The following SMCO1 variants were observed in gnomAD, a reference collection of about 807,000 sequenced individuals.
The protein encoded by SMCO1 is single-pass membrane protein with coiled-coil domains 1.
SMCO1 carries 9 observed loss-of-function variants against 7.5 expected under a neutral mutation model. The ratio of observed to expected loss-of-function variants is 1.20; its 90% CI spans 0.72 to 2.09. The LOEUF is 2.09. Among genes scored for constraint, SMCO1 ranks in the 30% most tolerant of loss-of-function variants. The probability of loss-of-function intolerance (pLI) is 0.00; values close to 1 mark genes in which losing one functional copy is unlikely to be tolerated. For missense variants in SMCO1, 219 were observed against 253.1 expected (o/e 0.87, Z 0.91); for synonymous variants, 90 against 93.8 (o/e 0.96, Z 0.23).
intron 1 of SMCO1, among the ~76,000 whole-genome samples, chr3:196,511,502 C>G (rs113691514): frequency 1.9e-4 from 9 of 48,614 alleles, no homozygotes; most frequent in African/African-American, 7.6e-4. Context: ...CTAGATTGTC[C>G]TTATGAGGGA....
chr3:196,514,281 A>G (rs903631707), intron 1 of SMCO1, among the ~76,000 whole-genome samples: 9 of 152,100 alleles, frequency 5.9e-5, no homozygotes, highest in African/African-American at 2.2e-4. Flanking sequence ...CTAGTTACCA[A>G]TTACACGAGA....
At chr3:196,517,819 G>A (rs56197150), upstream of SMCO1, among the ~76,000 whole-genome samples, 68,306 of 152,004 alleles carry the variant, frequency 0.45, 17,938 homozygotes, top group African/African-American at 0.73. Flanking sequence ...CCAGGTGTGT[G>A]CCACCACTAT....
upstream of SMCO1, among the ~76,000 whole-genome samples, chr3:196,515,994 T>G (rs1318396760): frequency 3.5e-5 from 2 of 57,892 alleles, no homozygotes; most frequent in East Asian, 4.2e-4. Flanking sequence ...ATAGGATATA[T>G]ATATATATAT....
At chr3:196,511,174 G>C (rs1216883239) in intron 1 of SMCO1, among the ~76,000 whole-genome samples, 1 of 136,020 alleles carries the variant, frequency 7.4e-6, no homozygotes, top group Non-Finnish European at 1.5e-5. Flanking sequence ...TTGTCCTTAT[G>C]AGGGAAACCT....
chr3:196,514,126 G>C (rs568819192), intron 1 of SMCO1, among the ~76,000 whole-genome samples: 1 of 152,018 alleles, frequency 6.6e-6, no homozygotes, highest in Non-Finnish European at 1.5e-5. Context: ...ACACAATTCC[G>C]ATTCTGTGAC....
chr3:196,512,628 C>T (rs1021844070), intron 1 of SMCO1, among the ~76,000 whole-genome samples: 2 of 150,618 alleles, frequency 1.3e-5, no homozygotes, highest in African/African-American at 4.9e-5. Context: ...TCTCCTGCCT[C>T]AGTCTCCCGA....
intron 1 of SMCO1, among the ~76,000 whole-genome samples, 181 bp from the exon 2 acceptor site, chr3:196,509,850 A>G (rs1733173836): frequency 1.3e-5 from 2 of 152,124 alleles, no homozygotes; most frequent in Admixed American, 6.5e-5. Flanking sequence ...GAAAGTTTCA[A>G]CAAATGGCTC....
At chr3:196,516,864 T>A (rs6763760), upstream of SMCO1, among the ~76,000 whole-genome samples, 1 of 151,728 alleles carries the variant, frequency 6.6e-6, no homozygotes, top group Non-Finnish European at 1.5e-5. Context: ...TTTGGGAGGC[T>A]GAGGTGGGTA....
chr3:196,515,078 A>C, intron 1 of SMCO1, 82 bp downstream of exon 1: 7 of 1,502,612 alleles, frequency 4.7e-6, no homozygotes, highest in Non-Finnish European at 6.5e-6. Context: ...GCAGTTCTTT[A>C]TTTCTATTCT....
chr3:196,518,900 G>T (rs919381010), upstream of SMCO1, among the ~76,000 whole-genome samples: 1 of 152,178 alleles, frequency 6.6e-6, no homozygotes, highest in Non-Finnish European at 1.5e-5. Flanking sequence ...CACTGGGCAC[G>T]TTGGCCATGC....
At chr3:196,515,381 C>T (rs1420079562), upstream of SMCO1, 15 of 591,224 alleles carry the variant, frequency 2.5e-5, no homozygotes, top group East Asian at 4.2e-4. Context: ...TTTTAATAGC[C>T]TGCAGATCCA....
chr3:196,509,535 G>A lies in SMCO1; in HGVS notation c.185C>T (p.Ala62Val), dbSNP rs987006207. ...TGATACTCACTGGAGTGCCCGAACT[G>A]CTGTCCACATCTCATCTTGGGCTGC... ...SQAAQDEMWT[A>V]VRALQLTSME... is the part of the protein sequence containing the mutation. Residue 62 changes from alanine to valine, a missense_variant, in exon 2 of 3, where the codon GCA becomes GTA. Transcript: ENST00000397537. 9.3e-6 allele frequency: 15 copies of A among 1,613,466 alleles called. No homozygotes were observed. Among genetic ancestry groups the A allele is most frequent in the Non-Finnish European group, 1.2e-5 (14 of 1,179,678 alleles).
upstream of SMCO1, among the ~76,000 whole-genome samples, chr3:196,516,728 A>G (rs1253572275): frequency 6.6e-6 from 1 of 152,204 alleles, no homozygotes; most frequent in Non-Finnish European, 1.5e-5. Flanking sequence ...GAGACAGCAC[A>G]TAAGGCTTAT....
At chr3:196,520,745 A>G in the SMCO1 span, among the ~76,000 whole-genome samples, 1 of 152,250 alleles carries the variant, frequency 6.6e-6, no homozygotes, top group Admixed American at 6.5e-5. Context: ...TTCTTCAGGC[A>G]GCAGAAAAAT....
At chr3:196,510,329 A>G (rs899694255) in intron 1 of SMCO1, among the ~76,000 whole-genome samples, 2 of 152,202 alleles carry the variant, frequency 1.3e-5, no homozygotes, top group African/African-American at 2.4e-5. Context: ...CAGCAACCAT[A>G]AAAAGTAAAG....
chr3:196,509,105 A>G lies in SMCO1; in HGVS notation c.200+415T>C, dbSNP rs368527242. 8.0e-5 allele frequency among the ~76,000 whole-genome samples: 12 copies of G among 150,344 alleles called. No homozygotes were observed. In the East Asian group the frequency reaches 2.2e-3, roughly 28 times the overall value. On this transcript the variant is annotated intron_variant, in intron 2 of 2. Coordinates refer to ENST00000397537, the MANE Select transcript of SMCO1 (RefSeq NM_001077657.3). ...CGCTTTGTCACCCAGGCTGGAGTGC[A>G]GTGGTGAGATCTCGGCTCACTGCAA... is the stretch of plus-strand genomic sequence containing the variant.
In SMCO1 at chr3:196,507,746, T is replaced by C; in HGVS notation, c.*141A>G. 1 of 610,262 alleles carries C rather than the reference T, an allele frequency of 1.6e-6. No homozygotes were observed. Among genetic ancestry groups the C allele is most frequent in the South Asian group, 2.1e-5 (1 of 48,560 alleles). 37.8% of individuals were successfully genotyped at this position (610,262 alleles called of 1,614,324 possible). On this transcript the variant is annotated 3_prime_UTR_variant, in exon 3 of 3. Coordinates refer to ENST00000397537, the MANE Select transcript of SMCO1 (RefSeq NM_001077657.3). ...TTTATATGGCTGCAAAGAAAGTATC[T>C]ATTGTATCAATTTGTCATAATTTAT...
chr3:196,515,251 C>T lies in SMCO1; in HGVS notation c.-42G>A, dbSNP rs1349991761. ...GAAAGAAAACAAAAACAAAGCAAAA[C>T]AAAAAAAGCAATAAATGTTTGAATC... On this transcript the variant is annotated 5_prime_UTR_variant, in exon 1 of 3. Transcript: ENST00000397537. 2.0e-6 allele frequency: 3 copies of T among 1,480,980 alleles called. No homozygotes were observed. Among genetic ancestry groups the T allele is most frequent in the Non-Finnish European group, 2.8e-6 (3 of 1,062,548 alleles). 91.7% of individuals were successfully genotyped at this position (1,480,980 alleles called of 1,614,324 possible).
At chr3:196,512,310 A>G (rs1316547979) in intron 1 of SMCO1, among the ~76,000 whole-genome samples, 1 of 152,182 alleles carries the variant, frequency 6.6e-6, no homozygotes, top group Non-Finnish European at 1.5e-5. Flanking sequence ...GGCCACCTAG[A>G]TTGTCGTTAT....
Sources: allele counts gnomAD v4.1 joint callset (sites outside exome capture counted in the v4.1 genomes callset), GRCh38; gene constraint gnomAD v4.1.1; transcripts MANE v1.5; gene names NCBI Gene and HGNC (gene_info 2026-07-23, HGNC 2026-07-21).